DDC: variants seen among roughly 807,000 people sequenced by gnomAD.
DDC encodes the protein dopa decarboxylase.
DDC carries 43 observed loss-of-function variants against 60.0 expected under a neutral mutation model. The observed-to-expected ratio is 0.72, with a 90% CI of 0.56 to 0.92. DDC has a LOEUF of 0.92. Among genes scored for constraint, DDC ranks in the 40% least tolerant of loss-of-function variants. DDC has a pLI of 0.00. For missense variants in DDC, 573 were observed against 620.2 expected (o/e 0.92, Z 0.81); for synonymous variants, 232 against 234.6 (o/e 0.99, Z 0.10).
intron 6 of DDC, among the ~76,000 whole-genome samples, chr7:50,526,417 T>C (rs1585232513): frequency 6.6e-6 from 1 of 152,084 alleles, no homozygotes; most frequent in South Asian, 2.1e-4. Flanking sequence ...ATTCATTATA[T>C]CAAATTCACA....
intron 12 of DDC, among the ~76,000 whole-genome samples, chr7:50,469,236 A>C (rs1585139628): frequency 2.3e-5 from 3 of 129,322 alleles, no homozygotes; most frequent in African/African-American, 3.0e-5. Flanking sequence ...GAGCCACCAC[A>C]CCCAGCCAAT....
chr7:50,501,017 G>A (rs1346122945), intron 7 of DDC, among the ~76,000 whole-genome samples: 4 of 152,144 alleles, frequency 2.6e-5, no homozygotes, highest in Admixed American at 1.3e-4. Flanking sequence ...TGCATAGCAC[G>A]GCCCATCTAG....
intron 1 of DDC, among the ~76,000 whole-genome samples, chr7:50,550,721 G>C (rs573752301): frequency 3.9e-5 from 6 of 152,284 alleles, no homozygotes; most frequent in East Asian, 1.9e-4. Flanking sequence ...ACAGTTAGTT[G>C]CATTCTTTTG....
chr7:50,532,215 TGAG>T, intron 4 of DDC, among the ~76,000 whole-genome samples: 1 of 152,306 alleles, frequency 6.6e-6, no homozygotes, highest in South Asian at 2.1e-4. Flanking sequence ...CCTTGTCTGC[TGAG>T]AAGGGTGAGC....
chr7:50,560,810 T>A (rs549035352), intron 1 of DDC, among the ~76,000 whole-genome samples: 1 of 152,242 alleles, frequency 6.6e-6, no homozygotes, highest in East Asian at 1.9e-4. Flanking sequence ...TGGTGCCTAT[T>A]TTCTTGAAAA....
chr7:50,529,064 C>T, intron 5 of DDC, 144 bp downstream of exon 5: 2 of 1,087,718 alleles, frequency 1.8e-6, no homozygotes, highest in Non-Finnish European at 2.8e-6. Flanking sequence ...TCCACCCCTT[C>T]CCTGTAGTTC....
rs927379812 is a variant in DDC at position 50,485,135 on chromosome 7, GA to G, written c.945-5273del. Among the ~76,000 whole-genome samples the G allele has an allele frequency of 4.9e-3, 734 of 150,124 alleles. 7 individuals are homozygous for G. The highest frequency in any genetic ancestry group is 0.016 in the African/African-American group (677 of 41,044). ...TTTGTGGCAAAATTTAACATTTTGG[GA>G]AAAAAAAACAGGCCATCTTTTAAAT... On this transcript the variant is annotated intron_variant, in intron 9 of 14. Coordinates refer to ENST00000444124, the MANE Select transcript of DDC (RefSeq NM_001082971.2).
chr7:50,529,378 C>T, intron 4 of DDC, 36 bp from the exon 5 acceptor site: 1 of 1,613,226 alleles, frequency 6.2e-7, no homozygotes, highest in Non-Finnish European at 8.5e-7. Context: ...AAATCCCAAA[C>T]ATAGCGAAGG....
intron 9 of DDC, among the ~76,000 whole-genome samples, chr7:50,491,775 T>C (rs1306631486): frequency 6.6e-6 from 1 of 152,176 alleles, no homozygotes; most frequent in Non-Finnish European, 1.5e-5. Context: ...GCTCCTTTTC[T>C]CTCACAACAC....
intron 9 of DDC, among the ~76,000 whole-genome samples, chr7:50,484,882 GAC>G (rs2042849370): frequency 6.6e-6 from 1 of 152,128 alleles, no homozygotes; most frequent in Admixed American, 6.5e-5. Flanking sequence ...GCACTCACAT[GAC>G]CTCCTGGTCC....
At chr7:50,498,811 G>A (rs192638243) in intron 8 of DDC, among the ~76,000 whole-genome samples, 107 of 152,254 alleles carry the variant, frequency 7.0e-4, no homozygotes, top group Non-Finnish European at 8.1e-4. Flanking sequence ...TGGAATTGCG[G>A]GTTGGTATTT....
At chr7:50,542,236 T>C (rs1010853455) in intron 2 of DDC, 1 of 152,188 alleles carries the variant, frequency 6.6e-6, no homozygotes, top group African/African-American at 2.4e-5. Flanking sequence ...TAATTTTCCA[T>C]ATTTCTAGGG....
chr7:50,504,795 C>T (rs1283299117), intron 6 of DDC, among the ~76,000 whole-genome samples: 1 of 152,162 alleles, frequency 6.6e-6, no homozygotes, highest in African/African-American at 2.4e-5. Context: ...CTCCCTCCAG[C>T]AGGGCCCAGA....
intron 6 of DDC, among the ~76,000 whole-genome samples, chr7:50,519,036 T>C (rs2043815647): frequency 6.6e-6 from 1 of 151,854 alleles, no homozygotes; most frequent in Non-Finnish European, 1.5e-5. Flanking sequence ...CTCAAACAAA[T>C]CAGTAACACG....
intron 11 of DDC, among the ~76,000 whole-genome samples, chr7:50,475,914 A>T (rs1043785076): frequency 2.6e-5 from 4 of 151,814 alleles, no homozygotes; most frequent in African/African-American, 4.8e-5. Context: ...GGTCTCGAAG[A>T]CCTGACCTCA....
chr7:50,516,902 A>C (rs776036174), intron 6 of DDC, among the ~76,000 whole-genome samples: 2 of 151,688 alleles, frequency 1.3e-5, no homozygotes, highest in Non-Finnish European at 2.9e-5. Flanking sequence ...CCCTCAACAG[A>C]CCAACAACAA....
At chr7:50,543,790 G>T in intron 2 of DDC, 95 bp downstream of exon 2, 1 of 1,223,428 alleles carries the variant, frequency 8.2e-7, no homozygotes, top group Non-Finnish European at 1.2e-6. Context: ...CTGCCATAGG[G>T]ATTCCTTGAA....
At chr7:50,495,484 C>T (rs375722546) in intron 8 of DDC, 67 bp from the exon 9 acceptor site, 1 of 1,247,112 alleles carries the variant, frequency 8.0e-7, no homozygotes, top group Non-Finnish European at 1.1e-6. Context: ...TAAAGAAGAC[C>T]CCATACATGA....
At chr7:50,468,189 C>T (rs775008559) in intron 12 of DDC, among the ~76,000 whole-genome samples, 1 of 152,214 alleles carries the variant, frequency 6.6e-6, no homozygotes, top group Non-Finnish European at 1.5e-5. Flanking sequence ...ACGAGTGGTT[C>T]CTCGTCATGC....
Sources: gnomAD v4.1 joint callset for allele counts (sites outside exome capture counted in the v4.1 genomes callset) on GRCh38, gnomAD v4.1.1 for gene constraint, MANE v1.5 for transcripts, NCBI Gene and HGNC (gene_info 2026-07-23, HGNC 2026-07-21) for gene names.